The following POMGNT1 variants were observed in gnomAD, a reference collection of about 807,000 sequenced individuals.
The protein encoded by POMGNT1 is protein O-linked-mannose beta-1,2-N-acetylglucosaminyltransferase 1.
A neutral mutation model predicts 95.6 loss-of-function variants in POMGNT1; 67 were observed. The ratio of observed to expected loss-of-function variants is 0.70; its 90% CI spans 0.58 to 0.86. The LOEUF (loss-of-function observed/expected upper bound fraction) is 0.86. Ranked by LOEUF, POMGNT1 falls within the 40% of genes least tolerant of loss-of-function variation. POMGNT1 has a pLI of 0.00. For synonymous variants in POMGNT1, 298 were observed against 317.9 expected (o/e 0.94, Z 0.66); for missense variants, 719 against 855.2 (o/e 0.84, Z 1.99).
chr1:46,208,704 G>A (rs549034893), intron 1 of POMGNT1, among the ~76,000 whole-genome samples: 82 of 152,198 alleles, frequency 5.4e-4, no homozygotes, highest in African/African-American at 1.9e-3. Context: ...TTAGCTGGAC[G>A]TGGTGGTGCA....
exon 1 of POMGNT1, chr1:46,219,958 C>T: frequency 6.2e-7 from 1 of 1,614,238 alleles, no homozygotes; most frequent in Non-Finnish European, 8.5e-7. Flanking sequence ...ACAGTGGCCC[C>T]CAGCGAGCTG....
At chr1:46,203,304 G>GC (rs1658604024), upstream of POMGNT1, 1 of 676,184 alleles carries the variant, frequency 1.5e-6, no homozygotes, top group Non-Finnish European at 2.2e-6. Context: ...CCCTCCTCCC[G>GC]CCCCCGCGCC....
chr1:46,189,845 T>C lies in POMGNT1; in HGVS notation c.1785+9A>G. 6.2e-7 allele frequency: 1 copy of C among 1,613,694 alleles called. No homozygotes were observed. The highest frequency in any genetic ancestry group is 8.5e-7 in the Non-Finnish European group (1 of 1,179,986). Reference sequence around the variant, plus strand: ...GGGGTTCTCCAGGGTGGGCATGGTATTGGAGCACCTTGGCAAGCTGGGTCC... The same window carrying C: ...GGGGTTCTCCAGGGTGGGCATGGTACTGGAGCACCTTGGCAAGCTGGGTCC... On this transcript the variant is annotated intron_variant, in intron 20 of 21. Transcript: ENST00000371984.
intron 1 of POMGNT1, among the ~76,000 whole-genome samples, chr1:46,208,454 C>T (rs1658788730): frequency 6.6e-6 from 1 of 152,154 alleles, no homozygotes; most frequent in African/African-American, 2.4e-5. Flanking sequence ...GGATTAATTC[C>T]ATCTCGAGGA....
At chr1:46,198,222 C>G (rs964473393) in intron 1 of POMGNT1, 114 bp downstream of exon 1, 3 of 183,592 alleles carry the variant, frequency 1.6e-5, no homozygotes, top group Non-Finnish European at 3.5e-5. Context: ...ACCCTCGTCC[C>G]ATCCTATCTG....
chr1:46,219,824 C>T, exon 1 of POMGNT1: 1 of 1,614,218 alleles, frequency 6.2e-7, no homozygotes, highest in Non-Finnish European at 8.5e-7. Flanking sequence ...GCAGCCTCAC[C>T]AGCAGTCAAT....
At chr1:46,195,043 C>G (rs954066532) in intron 6 of POMGNT1, 82 bp from the exon 7 acceptor site, 10 of 1,233,994 alleles carry the variant, frequency 8.1e-6, no homozygotes, top group Non-Finnish European at 1.2e-5. Context: ...TATGTAGCAA[C>G]CTTTTACTTA....
upstream of POMGNT1, among the ~76,000 whole-genome samples, chr1:46,202,920 G>GGTGGTGTGTGT (rs1553164825): frequency 1.6e-5 from 1 of 64,514 alleles, no homozygotes; most frequent in Non-Finnish European, 2.9e-5. Context: ...GGGGGGGGGT[G>GGTGGTGTGTGT]GTGTGTGTGT....
intron 11 of POMGNT1, 82 bp downstream of exon 11, chr1:46,193,482 G>C: frequency 6.2e-7 from 1 of 1,611,814 alleles, no homozygotes; most frequent in Non-Finnish European, 8.5e-7. Flanking sequence ...CCCTTGCCTG[G>C]GCGGTCTCCC....
intron 1 of POMGNT1, among the ~76,000 whole-genome samples, chr1:46,204,611 A>G (rs1037662818): frequency 8.5e-5 from 13 of 152,172 alleles, no homozygotes; most frequent in Non-Finnish European, 1.6e-4. Flanking sequence ...GAGACCAGCC[A>G]GGGCTCCGAC....
chr1:46,204,228 T>G (rs1005922533), intron 1 of POMGNT1, among the ~76,000 whole-genome samples: 2 of 152,142 alleles, frequency 1.3e-5, no homozygotes, highest in African/African-American at 4.8e-5. Context: ...TGGTGCTGAT[T>G]CCCTCGCCTC....
At chr1:46,197,958 A>G in intron 1 of POMGNT1, 87 bp from the exon 2 acceptor site, 1 of 1,316,858 alleles carries the variant, frequency 7.6e-7, no homozygotes, top group South Asian at 1.4e-5. Context: ...CCTCCCAGCA[A>G]CTCTTCCCTG....
chr1:46,194,692 C>G (rs765402842), intron 7 of POMGNT1, 41 bp from the exon 8 acceptor site: 1 of 1,614,236 alleles, frequency 6.2e-7, no homozygotes, highest in South Asian at 1.1e-5. Flanking sequence ...GGCCCAGACA[C>G]CAGTTTGGGG....
upstream of POMGNT1, chr1:46,203,404 G>A (rs749233251): frequency 6.9e-7 from 1 of 1,439,270 alleles, no homozygotes; most frequent in Non-Finnish European, 9.1e-7. Flanking sequence ...CGGTCGCCCA[G>A]CCCTTTTCAG....
At position 46,196,079 on chromosome 1, in the gene POMGNT1, TAC is replaced by T. The variant is rs2148213665; in HGVS notation, c.355-4_355-3del. 6.2e-7 allele frequency: 1 copy of T among 1,613,986 alleles called. No homozygotes were observed. On this transcript the variant is annotated splice_region_variant and splice_polypyrimidine_tract_variant and intron_variant, in intron 4 of 21. Coordinates refer to ENST00000371984, the MANE Select transcript of POMGNT1 (RefSeq NM_017739.4). The surrounding 1 kb of genome is among the most constrained non-coding windows in gnomAD (Gnocchi z 4.4). The stretch of plus-strand genomic sequence containing the variant: ...CTCCCGGGCCTCATCCTCCAGCACC[TAC>T]ACAGTGGCAGAGACAAAGTCCAGCT...
chr1:46,197,378 T>C (rs1658332825), intron 2 of POMGNT1: 1 of 1,482,804 alleles, frequency 6.7e-7, no homozygotes, highest in Non-Finnish European at 9.0e-7. Flanking sequence ...TTTCTAGAGA[T>C]GGAGCCAGGC....
At chr1:46,207,454 G>A (rs1356015786) in intron 1 of POMGNT1, among the ~76,000 whole-genome samples, 4 of 152,026 alleles carry the variant, frequency 2.6e-5, no homozygotes, top group Non-Finnish European at 5.9e-5. Flanking sequence ...ACCTGGTTAG[G>A]TTATGGCCCT....
chr1:46,195,733 T>C (rs1316677753), intron 6 of POMGNT1, 78 bp downstream of exon 6: 1 of 1,257,488 alleles, frequency 8.0e-7, no homozygotes. Context: ...CTATGTTATA[T>C]GAGGGGCAGA....
chr1:46,199,725 G>C (rs996989530), upstream of POMGNT1, among the ~76,000 whole-genome samples: 2 of 152,174 alleles, frequency 1.3e-5, no homozygotes, highest in Non-Finnish European at 2.9e-5. Context: ...ATTTTTTTGA[G>C]CTTTCTGTAT....
Sources: allele counts gnomAD v4.1 joint callset (sites outside exome capture counted in the v4.1 genomes callset), GRCh38; gene constraint gnomAD v4.1.1; non-coding constraint Gnocchi (gnomAD v3.1); transcripts MANE v1.5; gene names NCBI Gene and HGNC (gene_info 2026-07-23, HGNC 2026-07-21).